The following MRPL30 variants were observed in gnomAD, a reference collection of about 807,000 sequenced individuals.
MRPL30 encodes large ribosomal subunit protein uL30m.
MRPL30 carries 10 observed loss-of-function variants against 17.2 expected under a neutral mutation model. The ratio of observed to expected loss-of-function variants is 0.58; its 90% CI spans 0.36 to 0.99. MRPL30 has a LOEUF of 0.99. Among genes scored for constraint, MRPL30 ranks in the 50% least tolerant of loss-of-function variants. The pLI is 0.01. For synonymous variants in MRPL30, 61 were observed against 62.1 expected (o/e 0.98, Z 0.08); for missense variants, 170 against 189.8 (o/e 0.90, Z 0.61).
intron 1 of MRPL30, among the ~76,000 whole-genome samples, chr2:99,184,450 G>C (rs1366771623): frequency 3.9e-5 from 6 of 152,070 alleles, no homozygotes; most frequent in Admixed American, 1.3e-4. Context: ...CTAAACATGA[G>C]TTCCATTTCC....
intron 1 of MRPL30, among the ~76,000 whole-genome samples, chr2:99,183,002 T>G (rs908110852): frequency 6.6e-6 from 1 of 151,846 alleles, no homozygotes; most frequent in Non-Finnish European, 1.5e-5. Context: ...GGGGTATGGG[T>G]GAAAATGTTA....
At position 99,196,825 on chromosome 2, in the gene MRPL30, T is replaced by C. The variant is rs187190562; in HGVS notation, c.*1120T>C. ...GTGCTTTGGTGTCTATAAGTACATATGTGGATATGGGTTCATTTTATCCCT... is the reference window on the plus strand; with the variant it reads ...GTGCTTTGGTGTCTATAAGTACATACGTGGATATGGGTTCATTTTATCCCT... On this transcript the variant is annotated 3_prime_UTR_variant, in exon 6 of 6. Coordinates refer to ENST00000338148, the MANE Select transcript of MRPL30 (RefSeq NM_145212.4). The C allele has an allele frequency of 1.3e-5, 2 of 152,332 alleles. No homozygotes were observed. Among genetic ancestry groups the C allele is most frequent in the East Asian group, 3.9e-4 (2 of 5,184 alleles). The allele number at this position is 152,332 out of a possible 1,614,324, so 9.4% of individuals were successfully genotyped here. A position where few individuals can be genotyped will look rare whatever the true frequency, so the allele number is the denominator to read the frequency against.
At chr2:99,181,999 C>T (rs1263187871) in intron 1 of MRPL30, among the ~76,000 whole-genome samples, 2 of 148,978 alleles carry the variant, frequency 1.3e-5, no homozygotes, top group Non-Finnish European at 3.0e-5. Context: ...TGTAAAAAGA[C>T]AAAAGAACTA....
chr2:99,182,405 A>T (rs2093925800), intron 1 of MRPL30, among the ~76,000 whole-genome samples: 1 of 152,132 alleles, frequency 6.6e-6, no homozygotes, highest in African/African-American at 2.4e-5. Flanking sequence ...AATACAAAAA[A>T]TTAGCCGGGC....
chr2:99,194,875 T>A lies in MRPL30; in HGVS notation c.257T>A (p.Ile86Lys). 1 of 1,575,042 alleles carries A rather than the reference T, an allele frequency of 6.3e-7. No individual in the cohort carries two copies. Among genetic ancestry groups the A allele is most frequent in the South Asian group, 1.2e-5 (1 of 84,248 alleles). ...RRRPYWEKDI[I>K]KMLGLEKAHT... ...CGTCCATATTGGGAAAAAGATATAA[T>A]AAAGATGCTTGGATTAGAAAAAGTA... The change falls in exon 4 of 6, where the codon ATA becomes AAA. Residue 86 changes from isoleucine (I) to lysine (K), a missense_variant. Ile to Lys is a moderately radical substitution (Grantham distance 102). Transcript: ENST00000338148.
chr2:99,194,812 A>C lies in MRPL30; in HGVS notation c.194A>C (p.Lys65Thr), dbSNP rs2093952436. The C allele has an allele frequency of 6.2e-7, 1 of 1,600,552 alleles. No homozygotes were observed. The highest frequency in any genetic ancestry group is 8.5e-7 in the Non-Finnish European group (1 of 1,175,822). Reference protein sequence around the residue: ...KYGGDPQNPHKLHIVTRIKST... With the variant: ...KYGGDPQNPHTLHIVTRIKST... ...GGTGGGGATCCACAGAACCCTCATA[A>C]ACTGCATATTGTTACCAGAATAAAA... Residue 65 changes from lysine to threonine, a missense_variant, in exon 4 of 6, where the codon AAA (lysine) becomes ACA (threonine). Transcript: ENST00000338148.
At chr2:99,192,931 A>G (rs998625806) in intron 3 of MRPL30, among the ~76,000 whole-genome samples, 7 of 152,210 alleles carry the variant, frequency 4.6e-5, no homozygotes, top group Admixed American at 6.5e-5. Flanking sequence ...AGCCTTCATG[A>G]CTAAAACACC....
Position 99,195,910 on chromosome 2 carries a change from C to A in MRPL30, c.*205C>A. 1 of 483,998 alleles carries A rather than the reference C, an allele frequency of 2.1e-6. No homozygotes were observed. Among genetic ancestry groups the A allele is most frequent in the Non-Finnish European group, 3.5e-6 (1 of 288,288 alleles). The allele number at this position is 483,998 out of a possible 1,614,324, so 30.0% of individuals were successfully genotyped here. On this transcript the variant is annotated 3_prime_UTR_variant, in exon 6 of 6. Transcript: ENST00000338148. Reference sequence around the variant, plus strand: ...CAGCCTGACCAACATGGAGAAACCCCCATCTCTACTGAAAATACAGAATTA... The same window carrying A: ...CAGCCTGACCAACATGGAGAAACCCACATCTCTACTGAAAATACAGAATTA...
In MRPL30 at chr2:99,197,871, T is replaced by G. The variant is rs1445929504; in HGVS notation, c.*2166T>G. ...GTTGTCCACACTGATCTGGAGCTTC[T>G]AATCTCAAATGATTCTCCTGCCTCA... On this transcript the variant is annotated 3_prime_UTR_variant, in exon 6 of 6. Transcript: ENST00000338148. Among the ~76,000 whole-genome samples the G allele has an allele frequency of 6.6e-6, 1 of 152,158 alleles. No individual in the cohort carries two copies.
intron 3 of MRPL30, among the ~76,000 whole-genome samples, chr2:99,189,862 C>T (rs1402607079): frequency 6.6e-6 from 1 of 152,016 alleles, no homozygotes; most frequent in South Asian, 2.1e-4. Context: ...TTACAACCAT[C>T]CATCTCCAGA....
chr2:99,192,952 G>T (rs1480086277), intron 3 of MRPL30, among the ~76,000 whole-genome samples: 1 of 152,148 alleles, frequency 6.6e-6, no homozygotes, highest in African/African-American at 2.4e-5. Context: ...AAAAGCAATT[G>T]CAACAAAAGC....
At chr2:99,194,953 C>T in intron 4 of MRPL30, 56 bp downstream of exon 4, 1 of 1,441,786 alleles carries the variant, frequency 6.9e-7, no homozygotes, top group Non-Finnish European at 9.3e-7. Flanking sequence ...AAATTTTATA[C>T]TTTTAAAACT....
In MRPL30 at chr2:99,192,388, A is replaced by G. The variant is rs145622008; in HGVS notation, c.133-2363A>G. Reference sequence around the variant, plus strand: ...ACCCGTCATCTAGGTTTTAAGCCCTACATGCATTAGGTGTTTGTCCTAATG... The same window carrying G: ...ACCCGTCATCTAGGTTTTAAGCCCTGCATGCATTAGGTGTTTGTCCTAATG... On this transcript the variant is annotated intron_variant, in intron 3 of 5. Coordinates refer to ENST00000338148, the MANE Select transcript of MRPL30 (RefSeq NM_145212.4). Among the ~76,000 whole-genome samples the G allele has an allele frequency of 9.2e-3, 1,404 of 152,252 alleles. 8 individuals carry two copies. The highest frequency in any genetic ancestry group is 0.02 in the Middle Eastern group (6 of 294).
chr2:99,192,531 C>A (rs572957306), intron 3 of MRPL30, among the ~76,000 whole-genome samples: 1 of 152,194 alleles, frequency 6.6e-6, no homozygotes, highest in African/African-American at 2.4e-5. Context: ...TGATGGCATC[C>A]AGCTTCATCC....
At chr2:99,181,822 G>A (rs1445582506) in intron 1 of MRPL30, among the ~76,000 whole-genome samples, 1 of 152,206 alleles carries the variant, frequency 6.6e-6, no homozygotes, top group Non-Finnish European at 1.5e-5. Flanking sequence ...GGCACTAGGA[G>A]TTCAGAGAAG....
chr2:99,185,563 C>A (rs1057467614), intron 1 of MRPL30, among the ~76,000 whole-genome samples: 5 of 152,040 alleles, frequency 3.3e-5, no homozygotes, highest in African/African-American at 1.2e-4. Flanking sequence ...ATAAATATGA[C>A]CTTTTTAGGT....
At position 99,197,068 on chromosome 2, in the gene MRPL30, TCAACAGTTGAGGTTG is replaced by T. The variant is rs1015697484; in HGVS notation, c.*1365_*1379del. On this transcript the variant is annotated 3_prime_UTR_variant, in exon 6 of 6. Transcript: ENST00000338148. ...TTCTTTGAATCCTAAGGAACCTCTG[TCAACAGTTGAGGTTG>T]CTGTTGAAAAGAAAGAAGAAGGAGG... 1 of 152,164 alleles carries T rather than the reference TCAACAGTTGAGGTTG, an allele frequency of 6.6e-6. No homozygotes were observed. The highest frequency in any genetic ancestry group is 2.4e-5 in the African/African-American group (1 of 41,440). The allele number at this position is 152,164 out of a possible 1,614,324, so 9.4% of individuals were successfully genotyped here.
Position 99,197,604 on chromosome 2 carries a change from C to G in MRPL30, c.*1899C>G, listed in dbSNP as rs780458664. On this transcript the variant is annotated 3_prime_UTR_variant, in exon 6 of 6. Transcript: ENST00000338148. Reference sequence around the variant, plus strand: ...TCGAAGACATCTGTGAAAATAAAAGCAGCCTCTGCTAATTTAGCGCCATCT... The same window carrying G: ...TCGAAGACATCTGTGAAAATAAAAGGAGCCTCTGCTAATTTAGCGCCATCT... The G allele has an allele frequency of 6.6e-6, 1 of 152,132 alleles. No individual in the cohort carries two copies. Among genetic ancestry groups the G allele is most frequent in the Non-Finnish European group, 1.5e-5 (1 of 68,036 alleles). The allele number at this position is 152,132 out of a possible 1,614,324, so 9.4% of individuals were successfully genotyped here. A position where few individuals can be genotyped will look rare whatever the true frequency, so the allele number is the denominator to read the frequency against.
chr2:99,184,549 G>GAA (rs1427484727), intron 1 of MRPL30, among the ~76,000 whole-genome samples: 1 of 152,158 alleles, frequency 6.6e-6, no homozygotes, highest in Non-Finnish European at 1.5e-5. Context: ...CTCTCTGGAA[G>GAA]ATTTTTGAGC....
Sources: gnomAD v4.1 joint callset for allele counts (sites outside exome capture counted in the v4.1 genomes callset) on GRCh38, gnomAD v4.1.1 for gene constraint, MANE v1.5 for transcripts, NCBI Gene and HGNC (gene_info 2026-07-23, HGNC 2026-07-21) for gene names.